OXR1: variants seen among roughly 807,000 people sequenced by gnomAD.
OXR1 encodes the protein oxidation resistance protein 1.
Under a neutral mutation model 104.6 loss-of-function variants are expected in OXR1, and 41 were observed. The observed-to-expected ratio is 0.39, with a 90% confidence interval of 0.31 to 0.51. OXR1 has a LOEUF of 0.51. Among genes scored for constraint, OXR1 ranks in the 20% least tolerant of loss-of-function variants. The pLI is 0.77. For synonymous variants in OXR1, 348 were observed against 348.4 expected (o/e 1.00, Z 0.01); for missense variants, 955 against 1,031.9 (o/e 0.93, Z 1.02).
chr8:106,546,801 T>C (rs942565750), intron 3 of OXR1, among the ~76,000 whole-genome samples: 5 of 152,246 alleles, frequency 3.3e-5, no homozygotes, highest in Non-Finnish European at 7.3e-5. Context: ...GACTCAGCTT[T>C]CAACTTAATT....
rs545320739 is a variant in OXR1 at position 106,417,099 on chromosome 8, T to TATTA, written c.23+57464_23+57467dup. On this transcript the variant is annotated intron_variant, in intron 2 of 16. Coordinates refer to ENST00000517566, the MANE Select transcript of OXR1 (RefSeq NM_001198533.2). ...TGTGTGATTAATAAATTTTTTAATG[T>TATTA]ATTATGTTTAACACACATATATTGA... Among the ~76,000 whole-genome samples the TATTA allele has an allele frequency of 4.1e-3, 622 of 152,300 alleles. 3 individuals are homozygous for TATTA. The highest frequency in any genetic ancestry group is 0.014 in the African/African-American group (590 of 41,580).
At chr8:106,677,737 G>C (rs1827745098) in intron 3 of OXR1, among the ~76,000 whole-genome samples, 1 of 151,974 alleles carries the variant, frequency 6.6e-6, no homozygotes, top group South Asian at 2.1e-4. Context: ...TACAAAAGTA[G>C]AATATGTGTA....
chr8:106,393,215 G>A (rs1477745908), intron 2 of OXR1, among the ~76,000 whole-genome samples: 3 of 152,118 alleles, frequency 2.0e-5, no homozygotes, highest in Admixed American at 6.6e-5. Context: ...CAGTATGGGC[G>A]AATATTAGCT....
intron 2 of OXR1, among the ~76,000 whole-genome samples, chr8:106,451,638 G>A (rs79798436): frequency 0.012 from 1,888 of 152,222 alleles, 37 homozygotes; most frequent in African/African-American, 0.041. Flanking sequence ...TTGAAATAGC[G>A]CAGAGACAGG....
At chr8:106,716,228 T>C (rs1832234230) in intron 11 of OXR1, among the ~76,000 whole-genome samples, 1 of 152,196 alleles carries the variant, frequency 6.6e-6, no homozygotes, top group African/African-American at 2.4e-5. Flanking sequence ...AATTGAGATG[T>C]GCTGTAGTGT....
chr8:106,445,265 A>C (rs1819965685), intron 2 of OXR1, among the ~76,000 whole-genome samples: 1 of 152,236 alleles, frequency 6.6e-6, no homozygotes. Flanking sequence ...ATGTAGCATG[A>C]AATACCAAAG....
At chr8:106,712,629 G>C (rs190270147) in intron 10 of OXR1, among the ~76,000 whole-genome samples, 2 of 152,126 alleles carry the variant, frequency 1.3e-5, no homozygotes, top group East Asian at 3.9e-4. Context: ...TGCTTTGGAA[G>C]ACTACAGCTT....
chr8:106,461,025 GA>G (rs1411805277), intron 2 of OXR1, among the ~76,000 whole-genome samples: 1 of 152,042 alleles, frequency 6.6e-6, no homozygotes, highest in East Asian at 1.9e-4. Context: ...TGTTTAGCCT[GA>G]AGGAAAGAAC....
At chr8:106,463,945 T>C (rs926737688) in intron 2 of OXR1, among the ~76,000 whole-genome samples, 1 of 152,146 alleles carries the variant, frequency 6.6e-6, no homozygotes, top group Admixed American at 6.6e-5. Context: ...AGTTTCTTCA[T>C]AGATACATAA....
chr8:106,687,530 G>A (rs577015027), intron 6 of OXR1, among the ~76,000 whole-genome samples: 1 of 152,144 alleles, frequency 6.6e-6, no homozygotes, highest in South Asian at 2.1e-4. Flanking sequence ...AGATTAGAGC[G>A]GCCAACATGG....
At chr8:106,604,595 C>A (rs1355970550) in intron 3 of OXR1, among the ~76,000 whole-genome samples, 5 of 152,180 alleles carry the variant, frequency 3.3e-5, no homozygotes, top group Non-Finnish European at 7.3e-5. Context: ...AACTGAGTTT[C>A]TTTACTAACA....
chr8:106,584,912 A>T (rs1818517892), intron 3 of OXR1, among the ~76,000 whole-genome samples: 1 of 152,074 alleles, frequency 6.6e-6, no homozygotes, highest in African/African-American at 2.4e-5. Flanking sequence ...GAGTAGGAAA[A>T]AGGGTGGGAT....
intron 2 of OXR1, among the ~76,000 whole-genome samples, chr8:106,510,424 A>G (rs979597516): frequency 6.6e-6 from 1 of 152,178 alleles, no homozygotes; most frequent in Non-Finnish European, 1.5e-5. Flanking sequence ...GAACTGATGC[A>G]AGAATTGGAA....
chr8:106,559,967 G>A (rs545342458), intron 3 of OXR1, among the ~76,000 whole-genome samples: 1 of 152,228 alleles, frequency 6.6e-6, no homozygotes, highest in African/African-American at 2.4e-5. Flanking sequence ...CATTTTTTCA[G>A]ATAACAGAAA....
chr8:106,553,620 G>A (rs2130434748), intron 3 of OXR1, among the ~76,000 whole-genome samples: 1 of 152,144 alleles, frequency 6.6e-6, no homozygotes. Flanking sequence ...ATGTCCAGCT[G>A]CAATTTTATT....
intron 1 of OXR1, among the ~76,000 whole-genome samples, chr8:106,358,810 T>A (rs1483312937): frequency 3.3e-5 from 5 of 151,650 alleles, no homozygotes; most frequent in African/African-American, 1.2e-4. Context: ...TTTTTCCTAT[T>A]ATTTAGTGGA....
At chr8:106,272,625 G>A (rs1811866665) in intron 1 of OXR1, 2 of 152,234 alleles carry the variant, frequency 1.3e-5, no homozygotes, top group Admixed American at 1.3e-4. Context: ...AGGACAGCAT[G>A]GTTCTAATGG....
intron 1 of OXR1, among the ~76,000 whole-genome samples, chr8:106,308,852 A>G (rs1281031841): frequency 6.6e-6 from 1 of 152,206 alleles, no homozygotes; most frequent in East Asian, 1.9e-4. Context: ...TTTTATCCTT[A>G]TATTTTATAA....
At chr8:106,467,983 G>A (rs1821267685) in intron 2 of OXR1, among the ~76,000 whole-genome samples, 1 of 151,846 alleles carries the variant, frequency 6.6e-6, no homozygotes, top group South Asian at 2.1e-4. Context: ...TATGTTTAGA[G>A]CTAGAAAGAG....
Sources: gnomAD v4.1 joint callset for allele counts (sites outside exome capture counted in the v4.1 genomes callset) on GRCh38, gnomAD v4.1.1 for gene constraint, MANE v1.5 for transcripts, NCBI Gene and HGNC (gene_info 2026-07-23, HGNC 2026-07-21) for gene names.